CSMD3: variants seen among roughly 807,000 people sequenced by gnomAD.
The protein encoded by CSMD3 is CUB and Sushi multiple domains 3.
CSMD3 carries 177 observed loss-of-function variants against 435.2 expected under a neutral mutation model. That is an observed-to-expected ratio of 0.41 (90% confidence interval 0.36 to 0.46). The LOEUF is 0.46. Ranked by LOEUF, CSMD3 falls within the 20% of genes least tolerant of loss-of-function variation. The pLI is 0.34. For synonymous variants in CSMD3, 1,656 were observed against 1,520.5 expected, an observed-to-expected ratio of 1.09 and a Z score of -2.07; for missense variants, 4,265 against 4,504.6, an observed-to-expected ratio of 0.95 and a Z score of 1.52.
At chr8:113,218,466 C>CG (rs1554578681) in intron 3 of CSMD3, among the ~76,000 whole-genome samples, 57 of 94,826 alleles carry the variant, frequency 6.0e-4, no homozygotes, top group Middle Eastern at 6.3e-3. Context: ...TAAAGTGCTA[C>CG]AAAAAAAAAA....
intron 5 of CSMD3, among the ~76,000 whole-genome samples, chr8:113,088,604 C>G (rs2089889970): frequency 6.7e-6 from 1 of 149,808 alleles, no homozygotes; most frequent in Non-Finnish European, 1.5e-5. Context: ...GTAAACTATC[C>G]CAAGGACAAA....
At chr8:113,225,838 A>G (rs529300719) in intron 3 of CSMD3, among the ~76,000 whole-genome samples, 114 of 151,536 alleles carry the variant, frequency 7.5e-4, no homozygotes, top group Non-Finnish European at 1.4e-3. Context: ...CCCCACCCAA[A>G]TCTCATACTG....
chr8:113,361,448 A>G (rs1212527715), intron 1 of CSMD3, among the ~76,000 whole-genome samples: 1 of 152,130 alleles, frequency 6.6e-6, no homozygotes, highest in Non-Finnish European at 1.5e-5. Flanking sequence ...GTATTTTCTT[A>G]TAATATTTCC....
At chr8:112,537,189 A>G (rs2131112175) in intron 27 of CSMD3, among the ~76,000 whole-genome samples, 1 of 152,062 alleles carries the variant, frequency 6.6e-6, no homozygotes, top group South Asian at 2.1e-4. Context: ...ATAAAAAAAA[A>G]GATTTCTTGA....
intron 1 of CSMD3, among the ~76,000 whole-genome samples, chr8:113,364,447 C>T (rs2094298356): frequency 6.6e-6 from 1 of 151,914 alleles, no homozygotes; most frequent in African/African-American, 2.4e-5. Context: ...AAATGAAATG[C>T]TAGCCTAAAA....
intron 59 of CSMD3, among the ~76,000 whole-genome samples, chr8:112,276,324 A>G (rs1328581640): frequency 6.6e-6 from 1 of 152,186 alleles, no homozygotes; most frequent in Non-Finnish European, 1.5e-5. Context: ...GCATTGAGTA[A>G]CTGTGACTTT....
intron 6 of CSMD3, among the ~76,000 whole-genome samples, chr8:112,982,586 C>G (rs1269318723): frequency 2.0e-5 from 3 of 151,918 alleles, no homozygotes; most frequent in Non-Finnish European, 4.4e-5. Context: ...GCTGGCAGCT[C>G]TCATGGAAGA....
chr8:112,970,379 G>C (rs1007880848), intron 7 of CSMD3, among the ~76,000 whole-genome samples: 1 of 123,196 alleles, frequency 8.1e-6, no homozygotes, highest in African/African-American at 3.1e-5. Context: ...TTGGGTGACA[G>C]AGCTAGACTC....
At chr8:112,929,149 G>T (rs959412332) in intron 9 of CSMD3, among the ~76,000 whole-genome samples, 2 of 143,212 alleles carry the variant, frequency 1.4e-5, no homozygotes, top group Non-Finnish European at 3.0e-5. Context: ...GTTTTTTCTT[G>T]TAAATTTGTT....
intron 59 of CSMD3, among the ~76,000 whole-genome samples, chr8:112,275,101 A>T (rs2130516068): frequency 6.6e-6 from 1 of 152,120 alleles, no homozygotes; most frequent in South Asian, 2.1e-4. Context: ...TCAGCAGGGA[A>T]GTTCAAACCA....
At chr8:112,969,010 T>A (rs575148869) in intron 7 of CSMD3, among the ~76,000 whole-genome samples, 10 of 152,118 alleles carry the variant, frequency 6.6e-5, no homozygotes, top group African/African-American at 2.4e-4. Flanking sequence ...TTAAAATATA[T>A]TTTATGCATA....
chr8:113,242,418 A>G (rs2093229064), intron 3 of CSMD3, among the ~76,000 whole-genome samples: 1 of 152,020 alleles, frequency 6.6e-6, no homozygotes. Context: ...GACTTAAATG[A>G]TAACACACAA....
intron 12 of CSMD3, among the ~76,000 whole-genome samples, chr8:112,804,901 G>T (rs1189404628): frequency 9.9e-5 from 15 of 152,008 alleles, no homozygotes; most frequent in Non-Finnish European, 1.8e-4. Context: ...TTGACCTCGT[G>T]ATCTGCCCGC....
chr8:113,084,622 CAA>C (rs35078367), intron 5 of CSMD3, among the ~76,000 whole-genome samples: 1,560 of 117,808 alleles, frequency 0.013, 20 homozygotes, highest in East Asian at 0.035. Flanking sequence ...TGAATGGAAC[CAA>C]AAAAAAAAAA....
chr8:113,145,792 A>G (rs1180799266), intron 4 of CSMD3, among the ~76,000 whole-genome samples: 1 of 151,604 alleles, frequency 6.6e-6, no homozygotes, highest in Non-Finnish European at 1.5e-5. Context: ...GTCTTTATGG[A>G]TAAATGAATA....
intron 32 of CSMD3, among the ~76,000 whole-genome samples, chr8:112,430,446 A>G (rs1813537186): frequency 6.6e-6 from 1 of 152,092 alleles, no homozygotes; most frequent in East Asian, 1.9e-4. Flanking sequence ...GCAGGCCTGA[A>G]GCATGTGCGA....
intron 13 of CSMD3, among the ~76,000 whole-genome samples, chr8:112,761,005 A>C (rs2077824930): frequency 6.6e-6 from 1 of 152,174 alleles, no homozygotes; most frequent in Non-Finnish European, 1.5e-5. Context: ...TTGTCAGTAC[A>C]AGAATGTCCA....
At chr8:113,435,181 T>C (rs978047798) in intron 1 of CSMD3, among the ~76,000 whole-genome samples, 1 of 152,126 alleles carries the variant, frequency 6.6e-6, no homozygotes, top group Non-Finnish European at 1.5e-5. Flanking sequence ...GGCAGTGTAG[T>C]TGTGCCACTT....
At chr8:113,396,446 C>G (rs967993551) in intron 1 of CSMD3, among the ~76,000 whole-genome samples, 1 of 152,066 alleles carries the variant, frequency 6.6e-6, no homozygotes. Flanking sequence ...AGGTACCAGT[C>G]CTATTAAATG....
Sources: gnomAD v4.1 joint callset for allele counts (sites outside exome capture counted in the v4.1 genomes callset) on GRCh38, gnomAD v4.1.1 for gene constraint, MANE v1.5 for transcripts, NCBI Gene and HGNC (gene_info 2026-07-23, HGNC 2026-07-21) for gene names.